Variants in GCNT1 observed in about 807,000 individuals in gnomAD.
The protein encoded by GCNT1 is glucosaminyl (N-acetyl) transferase 1.
Under a neutral mutation model 26.2 loss-of-function variants are expected in GCNT1, and 16 were observed. The ratio of observed to expected loss-of-function variants is 0.61; its 90% CI spans 0.41 to 0.93. The LOEUF (loss-of-function observed/expected upper bound fraction) is 0.93. Ranked by LOEUF, GCNT1 falls within the 40% of genes least tolerant of loss-of-function variation. The pLI is 0.00. For missense variants in GCNT1, 477 were observed against 526.7 expected (o/e 0.91, Z 0.92); for synonymous variants, 183 against 190.8 (o/e 0.96, Z 0.34).
chr9:76,498,712 G>T (rs1824976195), intron 2 of GCNT1, among the ~76,000 whole-genome samples: 1 of 150,412 alleles, frequency 6.6e-6, no homozygotes, highest in Non-Finnish European at 1.5e-5. Flanking sequence ...GCCAGAGGTT[G>T]CAGTGAACCA....
intron 2 of GCNT1, among the ~76,000 whole-genome samples, chr9:76,492,604 A>T (rs1307410175): frequency 1.3e-5 from 2 of 149,936 alleles, no homozygotes; most frequent in Non-Finnish European, 3.0e-5. Flanking sequence ...CTTTTGTTGG[A>T]TTATCTGGTT....
intron 1 of GCNT1, among the ~76,000 whole-genome samples, chr9:76,425,093 C>G (rs771546161): frequency 7.6e-6 from 1 of 131,346 alleles, no homozygotes; most frequent in Admixed American, 8.6e-5. Context: ...GAGCCGAGAT[C>G]GTGCCACTGC....
the GCNT1 span, among the ~76,000 whole-genome samples, chr9:76,413,665 T>TG: frequency 3.0e-3 from 347 of 117,100 alleles, no homozygotes; most frequent in African/African-American, 4.9e-3. Flanking sequence ...TTTTTTTTTT[T>TG]TTGTTTTTTT....
intron 2 of GCNT1, among the ~76,000 whole-genome samples, chr9:76,482,081 T>C (rs1824438171): frequency 6.6e-6 from 1 of 152,150 alleles, no homozygotes; most frequent in Non-Finnish European, 1.5e-5. Context: ...CATCTCTGTC[T>C]TTCTAGGCTG....
chr9:76,465,155 G>GTTTTTTTTTTTTTT (rs374781585), intron 2 of GCNT1, among the ~76,000 whole-genome samples: 1 of 144,998 alleles, frequency 6.9e-6, no homozygotes, highest in African/African-American at 2.5e-5. Flanking sequence ...TCTGATTTGA[G>GTTTTTTTTTTTTTT]TTTTTTTTTT....
chr9:76,409,332 C>G, the GCNT1 span, among the ~76,000 whole-genome samples: 1 of 152,084 alleles, frequency 6.6e-6, no homozygotes, highest in Non-Finnish European at 1.5e-5. Flanking sequence ...GTGTGTGTCT[C>G]TCTTTTTTTC....
At chr9:76,472,287 A>G (rs1824147916) in intron 2 of GCNT1, among the ~76,000 whole-genome samples, 1 of 151,974 alleles carries the variant, frequency 6.6e-6, no homozygotes, top group African/African-American at 2.4e-5. Flanking sequence ...TGTCTCAAAG[A>G]AAAAAAGGAA....
the GCNT1 span, among the ~76,000 whole-genome samples, chr9:76,394,798 C>T: frequency 6.6e-6 from 1 of 152,212 alleles, no homozygotes; most frequent in African/African-American, 2.4e-5. Context: ...CGCTCTTTAG[C>T]TCCTTGGCAA....
At chr9:76,461,805 C>T (rs575401780) in intron 2 of GCNT1, among the ~76,000 whole-genome samples, 1 of 152,140 alleles carries the variant, frequency 6.6e-6, no homozygotes, top group African/African-American at 2.4e-5. Context: ...AGGATAATTG[C>T]TTGAACCCGG....
intron 2 of GCNT1, among the ~76,000 whole-genome samples, chr9:76,494,322 A>C (rs1370032907): frequency 1.3e-5 from 2 of 152,164 alleles, no homozygotes; most frequent in African/African-American, 4.8e-5. Context: ...AACCTGTTAG[A>C]GTCCTAAGCA....
At chr9:76,404,190 TA>T in the GCNT1 span, among the ~76,000 whole-genome samples, 2 of 152,228 alleles carry the variant, frequency 1.3e-5, no homozygotes, top group African/African-American at 4.8e-5. Flanking sequence ...TAATTACATA[TA>T]AAATTATTTC....
chr9:76,462,190 T>G (rs1257863124), intron 2 of GCNT1, among the ~76,000 whole-genome samples: 4 of 152,224 alleles, frequency 2.6e-5, no homozygotes, highest in African/African-American at 9.7e-5. Context: ...GTCACTATTT[T>G]TATTTATTCT....
In GCNT1 at chr9:76,435,986, C is replaced by T. The variant is rs138196883; in HGVS notation, n.38+16099C>T. Among the ~76,000 whole-genome samples, 1,098 of 133,330 alleles carry T rather than the reference C, an allele frequency of 8.2e-3. 13 individuals are homozygous for T. Among genetic ancestry groups the T allele is most frequent in the African/African-American group, 0.028 (1,018 of 36,176 alleles). The allele number at this position is 133,330 out of a possible 152,430, so 87.5% of individuals were successfully genotyped here. On this transcript the variant is annotated intron_variant and non_coding_transcript_variant, in intron 1 of 3. Transcript: ENST00000488136. Reference sequence around the variant, plus strand: ...TTTTTTTTTTTTTGAGACAGAATCTCGCTCTGTCACCCAGGCTGGAGTGCA... The same window carrying T: ...TTTTTTTTTTTTTGAGACAGAATCTTGCTCTGTCACCCAGGCTGGAGTGCA...
At chr9:76,425,719 G>A (rs529888176) in intron 1 of GCNT1, among the ~76,000 whole-genome samples, 5 of 152,174 alleles carry the variant, frequency 3.3e-5, no homozygotes, top group South Asian at 2.1e-4. Context: ...CACTGAAATC[G>A]GTCTCCCTGA....
At chr9:76,404,092 C>A in the GCNT1 span, among the ~76,000 whole-genome samples, 1 of 152,236 alleles carries the variant, frequency 6.6e-6, no homozygotes, top group Non-Finnish European at 1.5e-5. Flanking sequence ...CTTTAGTGTC[C>A]ATGACAGCCG....
At chr9:76,419,340 T>C (rs2131568924), upstream of GCNT1, among the ~76,000 whole-genome samples, 1 of 152,280 alleles carries the variant, frequency 6.6e-6, no homozygotes. Context: ...TGTTACTAAA[T>C]ACATATTGGT....
the GCNT1 span, among the ~76,000 whole-genome samples, chr9:76,405,614 C>T: frequency 6.6e-6 from 1 of 152,154 alleles, no homozygotes; most frequent in African/African-American, 2.4e-5. Flanking sequence ...TTGCCTTTTC[C>T]ACAGTGACAC....
intron 2 of GCNT1, among the ~76,000 whole-genome samples, chr9:76,467,106 G>A (rs889225905): frequency 6.6e-6 from 1 of 151,362 alleles, no homozygotes; most frequent in African/African-American, 2.4e-5. Context: ...GCAGTGGCAC[G>A]ATCTCAGCTC....
At chr9:76,409,116 C>T in the GCNT1 span, among the ~76,000 whole-genome samples, 8 of 152,064 alleles carry the variant, frequency 5.3e-5, no homozygotes, top group African/African-American at 1.9e-4. Context: ...TATAATTGTT[C>T]AATTTCTTTA....
Sources: gnomAD v4.1 joint callset for allele counts (sites outside exome capture counted in the v4.1 genomes callset) on GRCh38, gnomAD v4.1.1 for gene constraint, MANE v1.5 for transcripts, NCBI Gene and HGNC (gene_info 2026-07-23, HGNC 2026-07-21) for gene names.